Variants in INTS8 observed in about 807,000 individuals in gnomAD.
INTS8 encodes protein kaonashi-1.
INTS8 carries 47 observed loss-of-function variants against 138.9 expected under a neutral mutation model. The ratio of observed to expected loss-of-function variants is 0.34; its 90% CI spans 0.27 to 0.43. The LOEUF (loss-of-function observed/expected upper bound fraction) is 0.43. Ranked by LOEUF, INTS8 falls within the 20% of genes least tolerant of loss-of-function variation. The pLI is 1.00. For missense variants in INTS8, 996 were observed against 1,173.0 expected, an observed-to-expected ratio of 0.85 and a Z score of 2.20; for synonymous variants, 392 against 400.9, an observed-to-expected ratio of 0.98 and a Z score of 0.27.
intron 15 of INTS8, among the ~76,000 whole-genome samples, chr8:94,857,894 A>C (rs1225343398): frequency 1.3e-5 from 2 of 152,220 alleles, no homozygotes; most frequent in Admixed American, 6.5e-5. Context: ...GAGAAACTAT[A>C]TTGCAATGTT....
intron 9 of INTS8, 45 bp downstream of exon 9, chr8:94,841,636 C>A (rs749743969): frequency 1.0e-6 from 1 of 955,730 alleles, no homozygotes; most frequent in Non-Finnish European, 1.6e-6. Flanking sequence ...AATAAAACAG[C>A]AAGTGCATTC....
intron 10 of INTS8, among the ~76,000 whole-genome samples, chr8:94,846,736 C>A (rs554680793): frequency 5.9e-5 from 9 of 152,188 alleles, no homozygotes; most frequent in Non-Finnish European, 1.0e-4. Flanking sequence ...TGTTGCTATT[C>A]CTTATCTGAT....
rs1374714347 is a variant in INTS8, at chr8:94,860,599, A to AC, written c.2076+967_2076+968insC. On this transcript the variant is annotated intron_variant, in intron 16 of 26. Transcript: ENST00000523731. ...TACCTCAAAAAAAAAAAAAAAAAAA[A>AC]AAAAACCCAAAAAACAAAGTAAAAC... Among the ~76,000 whole-genome samples the AC allele has an allele frequency of 2.7e-3, 410 of 150,498 alleles. 1 individual carries two copies. The highest frequency in any genetic ancestry group is 9.6e-3 in the African/African-American group (395 of 40,936).
Position 94,851,726 on chromosome 8 carries a change from G to C in INTS8, c.1641+40G>C, listed in dbSNP as rs750463234. 1.1e-5 allele frequency: 16 copies of C among 1,506,786 alleles called. No individual in the cohort carries two copies. In the African/African-American group the frequency reaches 1.5e-4, roughly 14 times the overall value. The allele number at this position is 1,506,786 out of a possible 1,614,324, so 93.3% of individuals were successfully genotyped here. On this transcript the variant is annotated intron_variant, in intron 13 of 26. Transcript: ENST00000523731. Reference sequence around the variant, plus strand: ...AAGAACAGATAAGAAAATTGCCCTTGTTTTCTGAGGTAATTTAATAGAAAA... The same window carrying C: ...AAGAACAGATAAGAAAATTGCCCTTCTTTTCTGAGGTAATTTAATAGAAAA...
At chr8:94,840,442 A>G (rs932220982) in intron 8 of INTS8, among the ~76,000 whole-genome samples, 4 of 152,204 alleles carry the variant, frequency 2.6e-5, no homozygotes, top group African/African-American at 4.8e-5. Flanking sequence ...TAGCTAAGAA[A>G]AAGTCTGTAT....
At chr8:94,866,115 A>T in intron 17 of INTS8, 43 bp from the exon 18 acceptor site, 1 of 807,442 alleles carries the variant, frequency 1.2e-6, no homozygotes, top group Non-Finnish European at 2.0e-6. Flanking sequence ...TTTATTTTTT[A>T]TTTCTAATAT....
chr8:94,859,409 C>A, intron 15 of INTS8, 102 bp from the exon 16 acceptor site: 1 of 1,173,116 alleles, frequency 8.5e-7, no homozygotes, highest in Non-Finnish European at 1.2e-6. Flanking sequence ...CCACCATACC[C>A]GTCCTGTTTT....
At chr8:94,840,559 G>T (rs1412863840) in intron 8 of INTS8, among the ~76,000 whole-genome samples, 2 of 136,514 alleles carry the variant, frequency 1.5e-5, no homozygotes, top group Non-Finnish European at 3.1e-5. Flanking sequence ...TTTTTAATTA[G>T]TTTTTTTTTT....
intron 2 of INTS8, among the ~76,000 whole-genome samples, chr8:94,826,110 G>C (rs1814489453): frequency 6.6e-6 from 1 of 152,146 alleles, no homozygotes; most frequent in South Asian, 2.1e-4. Context: ...TGTATTTTGA[G>C]TTGTATTCTT....
At chr8:94,831,970 AT>A (rs752394386) in intron 5 of INTS8, 21 bp from the exon 6 acceptor site, 2 of 1,553,858 alleles carry the variant, frequency 1.3e-6, no homozygotes, top group South Asian at 2.4e-5. Flanking sequence ...TTGTATTTTT[AT>A]TTGTTTATTG....
At chr8:94,850,551 G>C (rs1346800191) in intron 12 of INTS8, among the ~76,000 whole-genome samples, 2 of 148,750 alleles carry the variant, frequency 1.3e-5, no homozygotes. Flanking sequence ...GGCGGAGCTT[G>C]CAGTGAGCCA....
At chr8:94,862,610 C>G (rs1333805968) in intron 16 of INTS8, among the ~76,000 whole-genome samples, 1 of 152,166 alleles carries the variant, frequency 6.6e-6, no homozygotes, top group East Asian at 1.9e-4. Flanking sequence ...TTCCCCTGAT[C>G]TGGTCCAAAA....
chr8:94,880,122 A>G lies in INTS8; in HGVS notation c.2876A>G (p.Lys959Arg), dbSNP rs1169904270. ...GETDKRQIAI[K>R]AIGQTELNAS... ...ATCACTTTTCTGTTTTGGAAGATCA[A>G]AGCCATCGGCCAGACAGAGTTGAAT... Residue 959 changes from lysine (K) to arginine (R), a missense_variant, in exon 27 of 27, where the codon AAA becomes AGA. By Grantham distance (26) the Lys-to-Arg change is conservative. Transcript: ENST00000523731. 6.2e-7 allele frequency: 1 copy of G among 1,603,364 alleles called. No homozygotes were observed.
chr8:94,849,346 G>A lies in INTS8; in HGVS notation c.1261-116G>A, dbSNP rs181908742. On this transcript the variant is annotated intron_variant, in intron 10 of 26. Transcript: ENST00000523731. ...TGTTAAGTTACTTAACTAAATCTGT[G>A]ATTGGTACATTGTTGAAAAAGGAAA... 8.5e-5 allele frequency: 56 copies of A among 662,452 alleles called. No homozygotes were observed. The East Asian group carries it at 1.5e-3, about 17-fold the overall frequency. The allele number at this position is 662,452 out of a possible 1,614,324, so 41.0% of individuals were successfully genotyped here.
At chr8:94,824,809 A>C (rs1051643855) in intron 1 of INTS8, 84 bp from the exon 2 acceptor site, 17 of 115,560 alleles carry the variant, frequency 1.5e-4, no homozygotes, top group Middle Eastern at 6.0e-3. Flanking sequence ...CCACCCCCCC[A>C]AAAAAACCAA....
intron 13 of INTS8, 115 bp downstream of exon 13, chr8:94,851,801 A>G (rs1815556250): frequency 1.3e-6 from 1 of 754,564 alleles, no homozygotes; most frequent in African/African-American, 1.8e-5. Flanking sequence ...TAACAGTTTT[A>G]AGACCTTCAT....
chr8:94,876,311 GTTA>G, intron 25 of INTS8, 26 bp downstream of exon 25: 1 of 1,559,038 alleles, frequency 6.4e-7, no homozygotes, highest in South Asian at 1.1e-5. Context: ...TGTGTGTGAT[GTTA>G]GAATGATCCA....
intron 20 of INTS8, among the ~76,000 whole-genome samples, chr8:94,870,466 A>G (rs185180113): frequency 2.1e-4 from 32 of 152,346 alleles, no homozygotes; most frequent in African/African-American, 7.7e-4. Context: ...ACAAAATATG[A>G]CTAAATGTTT....
chr8:94,832,235 A>G, intron 6 of INTS8, 61 bp downstream of exon 6: 3 of 1,168,068 alleles, frequency 2.6e-6, no homozygotes, highest in Non-Finnish European at 3.7e-6. Context: ...ATATGAGATC[A>G]TCCTCCTATT....
Sources: gnomAD v4.1 joint callset for allele counts (sites outside exome capture counted in the v4.1 genomes callset) on GRCh38, gnomAD v4.1.1 for gene constraint, MANE v1.5 for transcripts, NCBI Gene and HGNC (gene_info 2026-07-23, HGNC 2026-07-21) for gene names.